Variants in WRAP53 observed in about 807,000 individuals in gnomAD.
WRAP53 encodes the protein WD repeat containing antisense to TP53, also known as telomerase Cajal body protein 1.
In WRAP53, 28 loss-of-function variants were observed where a neutral mutation model predicts 56.6. The observed-to-expected ratio is 0.50, with a 90% CI of 0.37 to 0.68. WRAP53 has a LOEUF of 0.68. Among genes scored for constraint, WRAP53 ranks in the 30% least tolerant of loss-of-function variants. The pLI is 0.00. For synonymous variants in WRAP53, 283 were observed against 283.4 expected (o/e 1.00, Z 0.01); for missense variants, 671 against 715.5 (o/e 0.94, Z 0.71).
At chr17:7,699,464 A>G (rs1358290441) in intron 4 of WRAP53, among the ~76,000 whole-genome samples, 2 of 19,346 alleles carry the variant, frequency 1.0e-4, no homozygotes, top group South Asian at 4.4e-3. Flanking sequence ...ATATTTATAT[A>G]TATATATATA....
At chr17:7,699,498 A>ATT (rs1567577512) in intron 4 of WRAP53, among the ~76,000 whole-genome samples, 19 of 12,102 alleles carry the variant, frequency 1.6e-3, no homozygotes, top group Admixed American at 4.3e-3. Flanking sequence ...ATATATATAT[A>ATT]TATTTATATA....
chr17:7,696,016 G>A (rs1271408799), intron 4 of WRAP53, among the ~76,000 whole-genome samples: 3 of 152,084 alleles, frequency 2.0e-5, no homozygotes, highest in African/African-American at 7.2e-5. Context: ...TTCTCTGATA[G>A]GTATGACGGA....
chr17:7,691,229 C>T (rs1211477211), intron 4 of WRAP53, among the ~76,000 whole-genome samples: 3 of 151,152 alleles, frequency 2.0e-5, no homozygotes, highest in Admixed American at 1.3e-4. Flanking sequence ...AACAAACAAA[C>T]AAACAAACAA....
chr17:7,695,078 G>C (rs1353539004), intron 4 of WRAP53, among the ~76,000 whole-genome samples: 1 of 151,684 alleles, frequency 6.6e-6, no homozygotes, highest in Non-Finnish European at 1.5e-5. Context: ...TCAGCCTCTC[G>C]AGTAGCTGGG....
rs1199218406 is a variant in WRAP53 at position 7,689,327 on chromosome 17, G to A, written c.530+5G>A. The A allele has an allele frequency of 6.2e-7, 1 of 1,613,698 alleles. No homozygotes were observed. The highest frequency in any genetic ancestry group is 8.5e-7 in the Non-Finnish European group (1 of 1,179,914). ...CTTCTTGAAAGGCTGTAAGTGGTAA[G>A]GATAACAACGGGGCAGGGAGCTGAC... On this transcript the variant is annotated splice_donor_5th_base_variant and intron_variant, in intron 3 of 10. Transcript: ENST00000396463.
Position 7,702,579 on chromosome 17 carries a change from A to G in WRAP53, c.1164+27A>G. ...TAGGGGTCACACCCTGAGAGCCCAA[A>G]GCAGCTGGGCAGCGGGGCAGGAGCA... On this transcript the variant is annotated intron_variant, in intron 8 of 10. Coordinates refer to ENST00000396463, the MANE Select transcript of WRAP53 (RefSeq NM_001143992.2). This position sits in a 1 kb window ranked among gnomAD's most constrained non-coding sequence, Gnocchi z 5.0. The G allele has an allele frequency of 6.2e-7, 1 of 1,602,384 alleles. No homozygotes were observed. Among genetic ancestry groups the G allele is most frequent in the Non-Finnish European group, 8.5e-7 (1 of 1,178,206 alleles).
chr17:7,699,479 TATATATATATATATATATA>T (rs2074236213), intron 4 of WRAP53, among the ~76,000 whole-genome samples: 1 of 6,296 alleles, frequency 1.6e-4, no homozygotes, highest in East Asian at 6.8e-3. Context: ...TATATATTTA[TATATATATATATATATATA>T]TATTTATATA....
Position 7,700,733 on chromosome 17 carries a change from C to G in WRAP53, c.643-8C>G. ...GAGTGACTCAGCCATTCCCCCGTCT[C>G]TGTATAGGTCCCTGTCCTTCGAATG... On this transcript the variant is annotated splice_polypyrimidine_tract_variant and splice_region_variant and intron_variant, in intron 4 of 10. Coordinates refer to ENST00000396463, the MANE Select transcript of WRAP53 (RefSeq NM_001143992.2). The G allele has an allele frequency of 1.2e-6, 2 of 1,608,336 alleles. No individual in the cohort carries two copies. The highest frequency in any genetic ancestry group is 1.7e-6 in the Non-Finnish European group (2 of 1,175,140).
intron 4 of WRAP53, among the ~76,000 whole-genome samples, chr17:7,697,437 C>G (rs1157147033): frequency 6.6e-6 from 1 of 152,086 alleles, no homozygotes; most frequent in African/African-American, 2.4e-5. Flanking sequence ...GTAGGCAGAT[C>G]ACTTGAGGCT....
upstream of WRAP53, chr17:7,688,412 C>A: frequency 1.8e-6 from 1 of 567,708 alleles, no homozygotes; most frequent in South Asian, 2.1e-5. Flanking sequence ...GCGGCCCAAT[C>A]GGAAGGTGGA....
rs372152816 is a variant in WRAP53 at position 7,688,913 on chromosome 17, T to C, written c.265T>C (p.Leu89=). ...AACAGAGTTTGGTTCCCCTAGTGAG[T>C]TGAGTCCTCGAATCGAGGAGCAAGA... ...LETEFGSPSE[L]SPRIEEQELS... The change falls in exon 2 of 11, where the codon TTG becomes CTG. Residue 89 remains leucine (L), a synonymous_variant. Coordinates refer to ENST00000396463, the MANE Select transcript of WRAP53 (RefSeq NM_001143992.2). The C allele has an allele frequency of 8.1e-6, 13 of 1,613,988 alleles. No individual in the cohort carries two copies. Among genetic ancestry groups the C allele is most frequent in the African/African-American group, 1.3e-5 (1 of 74,900 alleles).
chr17:7,695,561 C>G (rs1407672755), intron 4 of WRAP53, among the ~76,000 whole-genome samples: 1 of 152,106 alleles, frequency 6.6e-6, no homozygotes, highest in Non-Finnish European at 1.5e-5. Flanking sequence ...TCCTCATTCC[C>G]AAATGCTGTA....
intron 4 of WRAP53, among the ~76,000 whole-genome samples, chr17:7,691,460 G>T (rs2074108461): frequency 6.7e-6 from 1 of 149,728 alleles, no homozygotes; most frequent in African/African-American, 2.5e-5. Flanking sequence ...CGTGATCTCG[G>T]CTCACTGCAA....
At chr17:7,698,648 G>T (rs575690729) in intron 4 of WRAP53, among the ~76,000 whole-genome samples, 1 of 152,152 alleles carries the variant, frequency 6.6e-6, no homozygotes, top group South Asian at 2.1e-4. Context: ...AGACTGAGGT[G>T]GGTGGATCAC....
chr17:7,687,545 C>T (rs2074030086), upstream of WRAP53: 1 of 398,592 alleles, frequency 2.5e-6, no homozygotes, highest in South Asian at 1.3e-4. Flanking sequence ...AAACCCCAAT[C>T]CCATCAACCC....
intron 1 of WRAP53, 23 bp downstream of exon 1, chr17:7,688,584 C>G (rs1597402848): frequency 2.5e-6 from 4 of 1,580,432 alleles, no homozygotes; most frequent in Middle Eastern, 1.7e-4. Flanking sequence ...AGCTCTGCGT[C>G]GGATCCCTGA....
In WRAP53 at chr17:7,688,501, C is replaced by T. The variant is rs748265946; in HGVS notation, c.-62C>T. ...CAGTGCTTTCAAAAGAATTGGCGTC[C>T]GCTGTTCGCCTCTCCTCCCGGGAGT... On this transcript the variant is annotated 5_prime_UTR_variant, in exon 1 of 11. Transcript: ENST00000396463. 98 of 807,882 alleles carry T rather than the reference C, an allele frequency of 1.2e-4. No individual in the cohort carries two copies. The highest frequency in any genetic ancestry group is 3.6e-4 in the Middle Eastern group (1 of 2,772). 50.0% of individuals were successfully genotyped at this position (807,882 alleles called of 1,614,324 possible).
chr17:7,702,734 T>G lies in WRAP53; in HGVS notation c.1165-9T>G. 1 of 1,613,104 alleles carries G rather than the reference T, an allele frequency of 6.2e-7. No individual in the cohort carries two copies. The highest frequency in any genetic ancestry group is 8.5e-7 in the Non-Finnish European group (1 of 1,179,912). On this transcript the variant is annotated splice_polypyrimidine_tract_variant and intron_variant, in intron 8 of 10. Transcript: ENST00000396463. The surrounding 1 kb of genome is among the most constrained non-coding windows in gnomAD (Gnocchi z 5.0). ...GGGGGTGACTCCAGGTCCTGTTCCT[T>G]GTCTCCAGGATGCTGAGCTCCTGTG...
upstream of WRAP53, chr17:7,686,382 C>G (rs2073969347): frequency 6.6e-6 from 1 of 152,194 alleles, no homozygotes; most frequent in Non-Finnish European, 1.5e-5. Flanking sequence ...ACACTTCTTT[C>G]CCTCCCTGTC....
Sources: gnomAD v4.1 joint callset for allele counts (sites outside exome capture counted in the v4.1 genomes callset) on GRCh38, gnomAD v4.1.1 for gene constraint, Gnocchi (gnomAD v3.1) non-coding constraint, MANE v1.5 for transcripts, NCBI Gene and HGNC (gene_info 2026-07-23, HGNC 2026-07-21) for gene names.